TCEANC2: variants seen among roughly 807,000 people sequenced by gnomAD.
TCEANC2 encodes the protein transcription elongation factor A N-terminal and central domain containing 2, also known as transcription elongation factor A N-terminal and central domain-containing protein 2.
In TCEANC2, 20 loss-of-function variants were observed where a neutral mutation model predicts 22.8. The observed-to-expected ratio is 0.88, with a 90% confidence interval of 0.62 to 1.28. The LOEUF (loss-of-function observed/expected upper bound fraction) is 1.28, where lower values mean the gene tolerates loss of function less well. Among genes scored for constraint, TCEANC2 ranks in the 50% most tolerant of loss-of-function variants. The pLI is 0.00. For synonymous variants in TCEANC2, 84 were observed against 95.5 expected, an observed-to-expected ratio of 0.88 and a Z score of 0.70; for missense variants, 251 against 249.7, an observed-to-expected ratio of 1.01 and a Z score of -0.03.
chr1:54,095,816 A>AT (rs112532500), intron 4 of TCEANC2, among the ~76,000 whole-genome samples: 1,587 of 152,288 alleles, frequency 0.01, 33 homozygotes, highest in African/African-American at 0.036. Flanking sequence ...GTAAAATGTG[A>AT]TAATAGGAGT....
chr1:54,056,702 CTA>C (rs1657759748), intron 2 of TCEANC2, among the ~76,000 whole-genome samples: 1 of 152,058 alleles, frequency 6.6e-6, no homozygotes, highest in Non-Finnish European at 1.5e-5. Context: ...TTGAAAATCA[CTA>C]TGTGTGATGA....
intron 4 of TCEANC2, among the ~76,000 whole-genome samples, chr1:54,095,898 C>G (rs1658537576): frequency 6.6e-6 from 1 of 152,118 alleles, no homozygotes; most frequent in Admixed American, 6.5e-5. Context: ...CCCCATGTCT[C>G]TAAAATGCCG....
chr1:54,068,678 G>A, intron 2 of TCEANC2, 78 bp from the exon 3 acceptor site: 7 of 1,409,746 alleles, frequency 5.0e-6, no homozygotes, highest in Non-Finnish European at 6.6e-6. Flanking sequence ...GTCAATAGGA[G>A]CCCCATTAGC....
chr1:54,060,186 T>A (rs1657824743), intron 2 of TCEANC2, among the ~76,000 whole-genome samples: 1 of 151,990 alleles, frequency 6.6e-6, no homozygotes, highest in African/African-American at 2.4e-5. Context: ...GGCGGGTGGA[T>A]CATGAGGTCA....
chr1:54,077,720 C>A (rs1175805366), intron 3 of TCEANC2, among the ~76,000 whole-genome samples: 4 of 152,086 alleles, frequency 2.6e-5, no homozygotes, highest in African/African-American at 9.7e-5. Context: ...TAGTGGCATA[C>A]AGCAGGAGCT....
Position 54,088,645 on chromosome 1 carries a change from C to T in TCEANC2, c.293C>T (p.Ser98Phe), listed in dbSNP as rs767055319. The T allele has an allele frequency of 3.1e-6, 5 of 1,606,230 alleles. No homozygotes were observed. In the African/African-American group the frequency reaches 5.4e-5, roughly 17 times the overall value. The change falls in exon 4 of 5, where the codon TCT (serine) becomes TTT (phenylalanine). Residue 98 changes from serine (S) to phenylalanine (F), a missense_variant. Physicochemically the swap from Ser to Phe is radical, Grantham distance 155 (BLOSUM62 -2). Coordinates refer to ENST00000234827, the MANE Select transcript of TCEANC2 (RefSeq NM_153035.3). ...MRKHSDSEVA[S>F]LAREVYTEWK... is the part of the protein sequence containing the mutation. ...AAACACTCAGATTCAGAAGTGGCTT[C>T]TCTTGCCAGAGAAGTTTACACTGAG...
intron 2 of TCEANC2, among the ~76,000 whole-genome samples, chr1:54,059,152 CTTT>C (rs201301611): frequency 7.6e-5 from 10 of 130,750 alleles, no homozygotes; most frequent in African/African-American, 8.3e-5. Flanking sequence ...CTTGAGTTTT[CTTT>C]TTTTTTTTTT....
rs968087662 is a variant in TCEANC2, at chr1:54,102,011, A to T, written c.*5538A>T. On this transcript the variant is annotated 3_prime_UTR_variant, in exon 5 of 5. Transcript: ENST00000234827. ...GCCAATGGTCTGGGATGTGGCAGGG[A>T]CATTCTCTTGAAAGTAAAAGACAAT... 1 of 152,216 alleles carries T rather than the reference A, an allele frequency of 6.6e-6. No homozygotes were observed. Among genetic ancestry groups the T allele is most frequent in the African/African-American group, 2.4e-5 (1 of 41,440 alleles). 9.4% of individuals were successfully genotyped at this position (152,216 alleles called of 1,614,324 possible).
Position 54,101,424 on chromosome 1 carries a change from A to G in TCEANC2, c.*4951A>G, listed in dbSNP as rs1658662712. ...ACTGTCAGGGATGGACTTACTCATA[A>G]CCTGGGGAGGTTGGTTTCAAGATCC... On this transcript the variant is annotated 3_prime_UTR_variant, in exon 5 of 5. Transcript: ENST00000234827. 1 of 152,182 alleles carries G rather than the reference A, an allele frequency of 6.6e-6. No homozygotes were observed. Among genetic ancestry groups the G allele is most frequent in the Non-Finnish European group, 1.5e-5 (1 of 68,036 alleles). 9.4% of individuals were successfully genotyped at this position (152,182 alleles called of 1,614,324 possible).
chr1:54,096,674 T>A lies in TCEANC2; in HGVS notation c.*201T>A. 7.9e-7 allele frequency: 1 copy of A among 1,265,114 alleles called. No homozygotes were observed. Among genetic ancestry groups the A allele is most frequent in the Non-Finnish European group, 1.0e-6 (1 of 978,838 alleles). The allele number at this position is 1,265,114 out of a possible 1,614,324, so 78.4% of individuals were successfully genotyped here. On this transcript the variant is annotated 3_prime_UTR_variant, in exon 5 of 5. Transcript: ENST00000234827. The surrounding 1 kb of genome is among the most constrained non-coding windows in gnomAD (Gnocchi z 4.9). ...ATGTGCTTCATTAGCTGCAGTGCGC[T>A]GGTGCTGCCTAACAGAACGCACACT... is the stretch of plus-strand genomic sequence containing the variant.
At chr1:54,063,313 T>C (rs2100357339) in intron 2 of TCEANC2, among the ~76,000 whole-genome samples, 1 of 152,242 alleles carries the variant, frequency 6.6e-6, no homozygotes, top group Non-Finnish European at 1.5e-5. Flanking sequence ...GGGTCTTAGA[T>C]GGAAAAAGAG....
intron 3 of TCEANC2, among the ~76,000 whole-genome samples, chr1:54,073,011 G>A (rs1310471486): frequency 6.6e-6 from 1 of 152,002 alleles, no homozygotes; most frequent in Non-Finnish European, 1.5e-5. Flanking sequence ...TGACTCCCAA[G>A]CCGGAGTGCA....
At chr1:54,065,718 T>TAA (rs199498904) in intron 2 of TCEANC2, among the ~76,000 whole-genome samples, 112 of 147,104 alleles carry the variant, frequency 7.6e-4, no homozygotes, top group African/African-American at 2.7e-3. Context: ...GTCTCAAAAA[T>TAA]ATATATATAT....
At chr1:54,060,337 G>A (rs1437971399) in intron 2 of TCEANC2, among the ~76,000 whole-genome samples, 2 of 151,944 alleles carry the variant, frequency 1.3e-5, no homozygotes, top group East Asian at 1.9e-4. Flanking sequence ...CCTGGGAGGC[G>A]GAGGTTGCAG....
chr1:54,057,347 ATTTTTT>A lies in TCEANC2; in HGVS notation c.102+2842_102+2847del, dbSNP rs1163556776. 7.0e-5 allele frequency among the ~76,000 whole-genome samples: 6 copies of A among 85,946 alleles called. No homozygotes were observed. The South Asian group carries it at 1.5e-3, about 21-fold the overall frequency. 56.4% of individuals were successfully genotyped at this position (85,946 alleles called of 152,430 possible). A position where few individuals can be genotyped will look rare whatever the true frequency, so the allele number is the denominator to read the frequency against. On this transcript the variant is annotated intron_variant, in intron 2 of 4. Transcript: ENST00000234827. ...AGGCACATGCCACCACACCTGGCTAATTTTTTTTTTTTTTTTTTTTTTTTGTAGAGA... is the reference window on the plus strand; with the variant it reads ...AGGCACATGCCACCACACCTGGCTAATTTTTTTTTTTTTTTTTTGTAGAGA...
intron 2 of TCEANC2, among the ~76,000 whole-genome samples, chr1:54,061,009 A>T (rs564140730): frequency 3.9e-5 from 6 of 152,074 alleles, no homozygotes; most frequent in Non-Finnish European, 7.4e-5. Flanking sequence ...TGCCCAAAGA[A>T]GGCTATGTGG....
rs1040548928 is a variant in TCEANC2 at position 54,102,573 on chromosome 1, T to C, written c.*6100T>C. On this transcript the variant is annotated 3_prime_UTR_variant, in exon 5 of 5. Transcript: ENST00000234827. ...ATTCCTAAGATAGAAATAATACAAC[T>C]GGGGTTGGGCATAGCAGGGCCAGAG... The C allele has an allele frequency of 1.3e-5, 2 of 152,184 alleles. No homozygotes were observed. The highest frequency in any genetic ancestry group is 4.8e-5 in the African/African-American group (2 of 41,430). 9.4% of individuals were successfully genotyped at this position (152,184 alleles called of 1,614,324 possible).
At chr1:54,091,571 G>A (rs1251481699) in intron 4 of TCEANC2, among the ~76,000 whole-genome samples, 4 of 152,158 alleles carry the variant, frequency 2.6e-5, no homozygotes, top group African/African-American at 9.7e-5. Context: ...GAAAGCCATA[G>A]ATGAAGAATA....
chr1:54,073,555 G>A (rs548475138), intron 3 of TCEANC2, among the ~76,000 whole-genome samples: 1 of 152,274 alleles, frequency 6.6e-6, no homozygotes, highest in East Asian at 1.9e-4. Flanking sequence ...TTGGGGTTAG[G>A]TGGCTTTTAT....
Sources: gnomAD v4.1 joint callset for allele counts (sites outside exome capture counted in the v4.1 genomes callset) on GRCh38, gnomAD v4.1.1 for gene constraint, Gnocchi (gnomAD v3.1) non-coding constraint, MANE v1.5 for transcripts, NCBI Gene and HGNC (gene_info 2026-07-23, HGNC 2026-07-21) for gene names.